Variants in TENM3 observed in about 807,000 individuals in gnomAD.
TENM3 encodes teneurin-3.
A neutral mutation model predicts 255.1 loss-of-function variants in TENM3; 63 were observed. The ratio of observed to expected loss-of-function variants is 0.25; its 90% CI spans 0.20 to 0.30. The LOEUF (loss-of-function observed/expected upper bound fraction) is 0.30. Ranked by LOEUF, TENM3 falls within the 10% of genes least tolerant of loss-of-function variation. TENM3 has a pLI of 1.00. For synonymous variants in TENM3, 1,306 were observed against 1,322.3 expected (o/e 0.99, Z 0.27); for missense variants, 2,929 against 3,461.1 (o/e 0.85, Z 3.86).
chr4:182,486,316 G>T (rs1283626526), intron 3 of TENM3, among the ~76,000 whole-genome samples: 4 of 25,370 alleles, frequency 1.6e-4, no homozygotes, highest in African/African-American at 2.4e-4. Flanking sequence ...AATTGTGTGT[G>T]GGGGGGAGGG....
the TENM3 span, among the ~76,000 whole-genome samples, chr4:181,710,604 A>G: frequency 6.6e-6 from 1 of 151,986 alleles, no homozygotes; most frequent in Non-Finnish European, 1.5e-5. Context: ...AGTCCCAGCT[A>G]CTCGGGAGGC....
chr4:181,644,905 T>C, the TENM3 span, among the ~76,000 whole-genome samples: 1 of 152,012 alleles, frequency 6.6e-6, no homozygotes, highest in African/African-American at 2.4e-5. Context: ...CAAATAAAAA[T>C]GTTCCTTTGT....
At chr4:182,669,634 C>T (rs1561082079) in intron 6 of TENM3, among the ~76,000 whole-genome samples, 1 of 151,960 alleles carries the variant, frequency 6.6e-6, no homozygotes, top group Non-Finnish European at 1.5e-5. Context: ...AACTTTATGT[C>T]CTGACATTGT....
chr4:182,539,248 T>C (rs1740628731), intron 3 of TENM3, among the ~76,000 whole-genome samples: 1 of 151,242 alleles, frequency 6.6e-6, no homozygotes, highest in Admixed American at 6.6e-5. Flanking sequence ...GAAGAGACCA[T>C]TTGAAGAGGG....
At chr4:181,718,535 C>T in the TENM3 span, among the ~76,000 whole-genome samples, 1 of 152,172 alleles carries the variant, frequency 6.6e-6, no homozygotes, top group Non-Finnish European at 1.5e-5. Flanking sequence ...TCCAATGCCA[C>T]AGCTAGTAAG....
the TENM3 span, among the ~76,000 whole-genome samples, chr4:182,035,418 T>A: frequency 6.6e-6 from 1 of 152,332 alleles, no homozygotes; most frequent in East Asian, 1.9e-4. Context: ...TGGTCTCACT[T>A]GCCATTTTAA....
At chr4:182,064,580 CA>C in the TENM3 span, among the ~76,000 whole-genome samples, 39 of 140,674 alleles carry the variant, frequency 2.8e-4, no homozygotes, top group East Asian at 4.1e-4. Context: ...GACTTTGTCT[CA>C]AAAAAAAAAA....
At chr4:182,163,238 G>A (rs948213445) in intron 1 of TENM3, among the ~76,000 whole-genome samples, 12 of 151,950 alleles carry the variant, frequency 7.9e-5, no homozygotes, top group South Asian at 2.1e-4. Flanking sequence ...CCTGCCACCC[G>A]TCTTTCGTCT....
upstream of TENM3, among the ~76,000 whole-genome samples, chr4:182,242,619 G>A (rs574996086): frequency 4.6e-5 from 7 of 152,158 alleles, no homozygotes; most frequent in South Asian, 2.1e-4. Context: ...AAATTAACCC[G>A]ATGTGGTGGC....
intron 3 of TENM3, among the ~76,000 whole-genome samples, chr4:182,472,364 A>T (rs1464240686): frequency 6.6e-6 from 1 of 152,142 alleles, no homozygotes; most frequent in Non-Finnish European, 1.5e-5. Context: ...CTTTGTCCCC[A>T]TTCCATGTGT....
the TENM3 span, among the ~76,000 whole-genome samples, chr4:181,701,178 A>C: frequency 6.6e-6 from 1 of 152,264 alleles, no homozygotes; most frequent in East Asian, 1.9e-4. Context: ...ACTTGGGTTC[A>C]ACAGAGGCAC....
intron 6 of TENM3, among the ~76,000 whole-genome samples, chr4:182,656,132 T>G (rs1753725319): frequency 6.6e-6 from 1 of 152,178 alleles, no homozygotes; most frequent in African/African-American, 2.4e-5. Flanking sequence ...ATAAGCGAAG[T>G]ACTTTCTTCC....
intron 1 of TENM3, among the ~76,000 whole-genome samples, chr4:182,243,708 A>G (rs1356388692): frequency 2.0e-5 from 3 of 152,208 alleles, no homozygotes; most frequent in Non-Finnish European, 1.5e-5. Context: ...CTTGAAATGA[A>G]CACACCAAAA....
chr4:182,704,340 G>A (rs1016623743), intron 12 of TENM3, among the ~76,000 whole-genome samples: 5 of 152,170 alleles, frequency 3.3e-5, no homozygotes, highest in African/African-American at 1.2e-4. Flanking sequence ...TCTGCACCTT[G>A]AGTGTTCCAC....
chr4:182,788,361 G>A (rs190569806), intron 24 of TENM3, among the ~76,000 whole-genome samples: 5 of 152,356 alleles, frequency 3.3e-5, no homozygotes, highest in Admixed American at 3.3e-4. Flanking sequence ...TCGGATGGCA[G>A]ACGGTAACAG....
intron 4 of TENM3, among the ~76,000 whole-genome samples, chr4:182,611,188 T>C (rs957346584): frequency 6.6e-6 from 1 of 152,062 alleles, no homozygotes; most frequent in Non-Finnish European, 1.5e-5. Flanking sequence ...CAAAAAATTT[T>C]TTATTACATT....
intron 3 of TENM3, among the ~76,000 whole-genome samples, chr4:182,527,392 G>A (rs892353756): frequency 2.0e-5 from 3 of 151,632 alleles, no homozygotes; most frequent in African/African-American, 7.3e-5. Context: ...AGAATCGTTA[G>A]ACTTTAAATG....
chr4:181,839,382 T>TGC, the TENM3 span, among the ~76,000 whole-genome samples: 2 of 60,022 alleles, frequency 3.3e-5, 1 homozygote, highest in African/African-American at 1.3e-4. Context: ...TATATATATA[T>TGC]ATACACCTAT....
chr4:182,441,371 A>G (rs1417696536), intron 3 of TENM3, among the ~76,000 whole-genome samples: 1 of 152,256 alleles, frequency 6.6e-6, no homozygotes, highest in Non-Finnish European at 1.5e-5. Flanking sequence ...ATTACAGAAT[A>G]GTGTGATGTA....
Sources: gnomAD v4.1 joint callset for allele counts (sites outside exome capture counted in the v4.1 genomes callset) on GRCh38, gnomAD v4.1.1 for gene constraint, MANE v1.5 for transcripts, NCBI Gene and HGNC (gene_info 2026-07-23, HGNC 2026-07-21) for gene names.